TCF20: variants seen among roughly 807,000 people sequenced by gnomAD.
The protein encoded by TCF20 is SPRE-binding protein.
In TCF20, 3 loss-of-function variants were observed where a neutral mutation model predicts 148.6. The observed-to-expected ratio is 0.02, with a 90% confidence interval of 0.01 to 0.05. TCF20 has a LOEUF of 0.05. Ranked by LOEUF, TCF20 falls within the 10% of genes least tolerant of loss-of-function variation. TCF20 has a pLI of 1.00. For missense variants in TCF20, 2,350 were observed against 2,429.3 expected, an observed-to-expected ratio of 0.97 and a Z score of 0.69; for synonymous variants, 1,049 against 909.5, an observed-to-expected ratio of 1.15 and a Z score of -2.76.
At chr22:42,167,569 C>A (rs936414076) in intron 5 of TCF20, among the ~76,000 whole-genome samples, 4 of 152,122 alleles carry the variant, frequency 2.6e-5, no homozygotes, top group African/African-American at 9.7e-5. Context: ...GCCTCAGTGA[C>A]GCAGGGAGGG....
chr22:42,176,954 TAAC>T (rs1005595840), intron 3 of TCF20, among the ~76,000 whole-genome samples: 11 of 152,190 alleles, frequency 7.2e-5, no homozygotes, highest in Non-Finnish European at 1.5e-4. Flanking sequence ...TAACCACAGT[TAAC>T]AACATTATAT....
chr22:42,313,913 G>A (rs1003509539), intron 1 of TCF20, among the ~76,000 whole-genome samples: 1 of 152,296 alleles, frequency 6.6e-6, no homozygotes, highest in South Asian at 2.1e-4. Context: ...AGAATTCCCC[G>A]CCTCAGGGAA....
At position 42,168,646 on chromosome 22, in the gene TCF20, G is replaced by GC. The variant is rs750772894; in HGVS notation, c.*6dup. The GC allele has an allele frequency of 7.5e-6, 12 of 1,598,276 alleles. No individual in the cohort carries two copies. The highest frequency in any genetic ancestry group is 1.7e-5 in the Admixed American group (1 of 58,824). ...TCCTTTCCATTCCCACGAGCACACT[G>GC]CCCCCCTCACCCCCGCTCCGACTGC... is the stretch of plus-strand genomic sequence containing the variant. On this transcript the variant is annotated 3_prime_UTR_variant, in exon 5 of 6. Transcript: ENST00000677622.
intron 1 of TCF20, among the ~76,000 whole-genome samples, chr22:42,319,989 T>C (rs1927702727): frequency 6.6e-6 from 1 of 152,070 alleles, no homozygotes; most frequent in South Asian, 2.1e-4. Flanking sequence ...CTCCAGGCTC[T>C]ACCCCAAGGC....
chr22:42,214,256 A>G lies in TCF20; in HGVS notation c.1050T>C (p.Pro350=). 1 of 1,614,220 alleles carries G rather than the reference A, an allele frequency of 6.2e-7. No individual in the cohort carries two copies. The highest frequency in any genetic ancestry group is 1.1e-5 in the South Asian group (1 of 91,088). Reference sequence around the variant, plus strand: ...GCATGGGGGACCTCACAGGAACCTCAGGCTGGTTGTACTGCCCCACTTGGC... The same window carrying G: ...GCATGGGGGACCTCACAGGAACCTCGGGCTGGTTGTACTGCCCCACTTGGC... The part of the protein sequence containing the change: ...LQSQVGQYNQ[P]EVPVRSPMQF... Residue 350 remains proline (P), a synonymous_variant, in exon 2 of 6, where the codon CCT becomes CCC. Transcript: ENST00000677622.
At chr22:42,181,042 G>A (rs528660765) in intron 2 of TCF20, among the ~76,000 whole-genome samples, 4 of 152,192 alleles carry the variant, frequency 2.6e-5, no homozygotes, top group Non-Finnish European at 4.4e-5. Flanking sequence ...GTAAACCAAG[G>A]ACAAGTTCAC....
chr22:42,183,249 A>G (rs1447954841), intron 2 of TCF20, among the ~76,000 whole-genome samples: 1 of 152,240 alleles, frequency 6.6e-6, no homozygotes, highest in African/African-American at 2.4e-5. Context: ...TCTGTCTCCT[A>G]CAGAGCAATC....
At chr22:42,227,066 C>T (rs192143299) in intron 1 of TCF20, among the ~76,000 whole-genome samples, 2 of 152,038 alleles carry the variant, frequency 1.3e-5, no homozygotes, top group African/African-American at 2.4e-5. Context: ...GCAGAACACA[C>T]GAGGCCAGGA....
At chr22:42,188,959 T>C (rs1334054853) in intron 2 of TCF20, among the ~76,000 whole-genome samples, 2 of 152,098 alleles carry the variant, frequency 1.3e-5, no homozygotes, top group Non-Finnish European at 2.9e-5. Flanking sequence ...GAAAGCATTC[T>C]TGAGGGAGTG....
In TCF20 at chr22:42,210,710, T is replaced by G; in HGVS notation, c.4596A>C (p.Gly1532=). 6.2e-7 allele frequency: 1 copy of G among 1,614,234 alleles called. No individual in the cohort carries two copies. Among genetic ancestry groups the G allele is most frequent in the Non-Finnish European group, 8.5e-7 (1 of 1,180,042 alleles). Residue 1532 remains glycine, a synonymous_variant, in exon 2 of 6, where the codon GGA becomes GGC. Coordinates refer to ENST00000677622, the MANE Select transcript of TCF20 (RefSeq NM_001378418.1). This position sits in a 1 kb window ranked among gnomAD's most constrained non-coding sequence, Gnocchi z 4.7. ...CCTTCTTCTTTCCTGATGGGAAATA[T>G]CCCTTTGGAGGGAAACCCTCTTGCT... ...SPKQEGFPPK[G]YFPSGKKKGR...
At chr22:42,208,497 C>T (rs1938540511) in intron 2 of TCF20, among the ~76,000 whole-genome samples, 2 of 152,080 alleles carry the variant, frequency 1.3e-5, no homozygotes, top group South Asian at 4.1e-4. Flanking sequence ...CATGGTGGCA[C>T]ACACCTTTAG....
chr22:42,284,154 G>A (rs564991759), upstream of TCF20, among the ~76,000 whole-genome samples: 4 of 152,222 alleles, frequency 2.6e-5, no homozygotes, highest in South Asian at 4.1e-4. Context: ...GGGAGCACCC[G>A]ATCCCCCCTC....
chr22:42,257,837 G>A (rs578195590), intron 1 of TCF20, among the ~76,000 whole-genome samples: 49 of 152,274 alleles, frequency 3.2e-4, no homozygotes, highest in African/African-American at 1.1e-3. Context: ...AGCCCAGCAC[G>A]GAAGAGATGA....
At chr22:42,231,150 A>C (rs1328542600) in intron 1 of TCF20, among the ~76,000 whole-genome samples, 1 of 152,208 alleles carries the variant, frequency 6.6e-6, no homozygotes, top group Admixed American at 6.5e-5. Flanking sequence ...CGACACAGCA[A>C]GACTCTGTCT....
chr22:42,168,002 C>T (rs2147051025), intron 5 of TCF20, among the ~76,000 whole-genome samples: 1 of 151,912 alleles, frequency 6.6e-6, no homozygotes, highest in South Asian at 2.1e-4. Context: ...GCTGGCATTA[C>T]AGGTATGAGC....
intron 1 of TCF20, among the ~76,000 whole-genome samples, chr22:42,248,634 G>A (rs1925113338): frequency 6.6e-6 from 1 of 152,088 alleles, no homozygotes; most frequent in Non-Finnish European, 1.5e-5. Flanking sequence ...CCATAATCCT[G>A]AATGTTAAAA....
chr22:42,258,271 C>CG (rs1298738872), intron 1 of TCF20, among the ~76,000 whole-genome samples: 1 of 152,004 alleles, frequency 6.6e-6, no homozygotes, highest in African/African-American at 2.4e-5. Context: ...TACCTCCCCC[C>CG]CCTTCCCTAG....
chr22:42,209,442 A>T (rs1470788614), intron 2 of TCF20, among the ~76,000 whole-genome samples: 1 of 152,238 alleles, frequency 6.6e-6, no homozygotes, highest in Non-Finnish European at 1.5e-5. Context: ...AATATGCTTC[A>T]TAAGCATTAT....
At chr22:42,187,752 G>GA (rs1476523250) in intron 2 of TCF20, among the ~76,000 whole-genome samples, 2 of 152,214 alleles carry the variant, frequency 1.3e-5, no homozygotes, top group African/African-American at 4.8e-5. Context: ...CCTTCATTAA[G>GA]AATGTCCTTC....
Sources: allele counts gnomAD v4.1 joint callset (sites outside exome capture counted in the v4.1 genomes callset), GRCh38; gene constraint gnomAD v4.1.1; non-coding constraint Gnocchi (gnomAD v3.1); transcripts MANE v1.5; gene names NCBI Gene and HGNC (gene_info 2026-07-23, HGNC 2026-07-21).